ZER1: variants seen among roughly 807,000 people sequenced by gnomAD.
The protein encoded by ZER1 is protein zer-1 homolog.
Under a neutral mutation model 78.8 loss-of-function variants are expected in ZER1, and 11 were observed. The observed-to-expected ratio is 0.14, with a 90% confidence interval of 0.09 to 0.23. The LOEUF (loss-of-function observed/expected upper bound fraction) is 0.23. ZER1 is among the 10% of genes least tolerant of loss of function. The pLI is 1.00. For synonymous variants in ZER1, 400 were observed against 407.0 expected (o/e 0.98, Z 0.21); for missense variants, 588 against 996.9 (o/e 0.59, Z 5.52).
intron 15 of ZER1, among the ~76,000 whole-genome samples, chr9:128,731,687 C>T (rs1246086124): frequency 6.6e-6 from 1 of 152,218 alleles, no homozygotes; most frequent in African/African-American, 2.4e-5. Flanking sequence ...CCCAAATCAG[C>T]TCAGGCCCGA....
At chr9:128,734,144 A>AATATATATATATATATATATATATATAT (rs1220785593) in intron 14 of ZER1, among the ~76,000 whole-genome samples, 14 of 14,296 alleles carry the variant, frequency 9.8e-4, no homozygotes, top group Non-Finnish European at 1.3e-3. Flanking sequence ...AAAAAAAAAA[A>AATATATATATATATATATATATATATAT]ATATATATAT....
rs1372054982 is a variant in ZER1, at chr9:128,753,131, C to T, written c.746+33G>A. On this transcript the variant is annotated intron_variant, in intron 4 of 15. Coordinates refer to ENST00000291900, the MANE Select transcript of ZER1 (RefSeq NM_006336.4). The surrounding 1 kb of genome is among the most constrained non-coding windows in gnomAD (Gnocchi z 7.5). ...ACTCCTCCCCACCTGCCCCCCAAAC[C>T]CCACCCTGGTGAGCTCTGGGCCAGG... 4.7e-6 allele frequency: 7 copies of T among 1,498,062 alleles called. No homozygotes were observed. In the African/African-American group the frequency reaches 8.3e-5, roughly 18 times the overall value. The allele number at this position is 1,498,062 out of a possible 1,614,324, so 92.8% of individuals were successfully genotyped here. A position where few individuals can be genotyped will look rare whatever the true frequency, so the allele number is the denominator to read the frequency against.
At chr9:128,750,564 G>C in intron 8 of ZER1, 52 bp downstream of exon 8, 2 of 1,596,686 alleles carry the variant, frequency 1.3e-6, no homozygotes, top group South Asian at 1.1e-5. Flanking sequence ...CAAGAAGCAG[G>C]AAAGGGGTGG....
chr9:128,739,864 A>T, intron 13 of ZER1, 67 bp downstream of exon 13: 1 of 1,542,028 alleles, frequency 6.5e-7, no homozygotes, highest in South Asian at 1.2e-5. Flanking sequence ...CCTTAATGGT[A>T]TGAGCATCCT....
chr9:128,748,691 C>G (rs1863578968), intron 8 of ZER1, among the ~76,000 whole-genome samples: 1 of 151,860 alleles, frequency 6.6e-6, no homozygotes, highest in Admixed American at 6.6e-5. Context: ...CCTGCCTCAG[C>G]CTCCCAGGTA....
At chr9:128,763,045 A>T (rs1278302890) in intron 1 of ZER1, among the ~76,000 whole-genome samples, 1 of 152,150 alleles carries the variant, frequency 6.6e-6, no homozygotes, top group African/African-American at 2.4e-5. Flanking sequence ...TCCTGGCAAA[A>T]GGCCCTCGGC....
chr9:128,735,826 G>T (rs113879006), intron 13 of ZER1, among the ~76,000 whole-genome samples: 24 of 143,512 alleles, frequency 1.7e-4, no homozygotes, highest in Non-Finnish European at 1.6e-4. Context: ...TGCCCAGGCT[G>T]GGGTGCACTG....
rs151177391 is a variant in ZER1 at position 128,756,164 on chromosome 9, G to A, written c.-94-505C>T. Among the ~76,000 whole-genome samples, 13 of 152,312 alleles carry A rather than the reference G, an allele frequency of 8.5e-5. 1 individual carries two copies. Among genetic ancestry groups the A allele is most frequent in the South Asian group, 4.1e-4 (2 of 4,830 alleles). On this transcript the variant is annotated intron_variant, in intron 1 of 15. Transcript: ENST00000291900. ...CATATGTCCACATAGAAACTCAGACGTGGCCGAGCACGGTGGCTCATGCCT... is the reference window on the plus strand; with the variant it reads ...CATATGTCCACATAGAAACTCAGACATGGCCGAGCACGGTGGCTCATGCCT...
In ZER1 at chr9:128,764,542, G is replaced by A. The variant is rs553147279; in HGVS notation, c.-95+7039C>T. On this transcript the variant is annotated intron_variant, in intron 1 of 15. Coordinates refer to ENST00000291900, the MANE Select transcript of ZER1 (RefSeq NM_006336.4). ...CCAAAACATAAGCCAGGTAGATGGCGCCATCTGCTAGCCTCCCCTTAGCAG... is the reference window on the plus strand; with the variant it reads ...CCAAAACATAAGCCAGGTAGATGGCACCATCTGCTAGCCTCCCCTTAGCAG... 2.0e-5 allele frequency among the ~76,000 whole-genome samples: 3 copies of A among 152,234 alleles called. No homozygotes were observed. The South Asian group carries it at 6.2e-4, about 32-fold the overall frequency.
chr9:128,737,139 G>A (rs930805694), intron 13 of ZER1, among the ~76,000 whole-genome samples: 12 of 151,590 alleles, frequency 7.9e-5, no homozygotes, highest in Non-Finnish European at 1.5e-4. Context: ...GCGAGACTCC[G>A]TCTCAAAAAA....
intron 13 of ZER1, among the ~76,000 whole-genome samples, chr9:128,737,832 A>T (rs962252580): frequency 6.0e-5 from 9 of 150,384 alleles, no homozygotes; most frequent in Non-Finnish European, 1.3e-4. Context: ...CCTCCCAAGT[A>T]GCTGGGATTA....
intron 8 of ZER1, among the ~76,000 whole-genome samples, chr9:128,745,558 T>A (rs1473119606): frequency 6.6e-6 from 1 of 151,794 alleles, no homozygotes; most frequent in African/African-American, 2.4e-5. Flanking sequence ...GGTTTCACCA[T>A]GTTGGCCAGG....
At chr9:128,735,211 C>G (rs1863023914) in intron 14 of ZER1, 123 bp downstream of exon 14, 7 of 880,400 alleles carry the variant, frequency 8.0e-6, no homozygotes, top group Admixed American at 2.9e-5. Context: ...GTGGAGGGTT[C>G]TGCTCTGAGG....
At position 128,735,537 on chromosome 9, in the gene ZER1, T is replaced by C. The variant is rs1015625329; in HGVS notation, c.2043-106A>G. 5.4e-5 allele frequency: 59 copies of C among 1,093,086 alleles called. No homozygotes were observed. In the African/African-American group the frequency reaches 7.9e-4, roughly 15 times the overall value. The allele number at this position is 1,093,086 out of a possible 1,614,324, so 67.7% of individuals were successfully genotyped here. On this transcript the variant is annotated intron_variant, in intron 13 of 15. Transcript: ENST00000291900. ...GGAGAATCCTAGTGACCAACCATGA[T>C]AGGCTGGCAGGATGCCAGGGAGAAG...
intron 1 of ZER1, among the ~76,000 whole-genome samples, chr9:128,767,240 G>T (rs1339264476): frequency 6.6e-6 from 1 of 151,410 alleles, no homozygotes; most frequent in Non-Finnish European, 1.5e-5. Flanking sequence ...ACTGCGGTCG[G>T]CCTATTTATT....
chr9:128,735,411 C>T lies in ZER1; in HGVS notation c.2063G>A (p.Arg688His), dbSNP rs1357586707. 3.7e-6 allele frequency: 6 copies of T among 1,613,950 alleles called. No individual in the cohort carries two copies. Among genetic ancestry groups the T allele is most frequent in the Non-Finnish European group, 5.1e-6 (6 of 1,179,942 alleles). The change falls in exon 14 of 16, where the codon CGC (arginine) becomes CAC (histidine). Residue 688 changes from arginine to histidine, a missense_variant. Coordinates refer to ENST00000291900, the MANE Select transcript of ZER1 (RefSeq NM_006336.4). ...INYRSFEPIL[R>H]LLPQGISPVS... ...AGGAGAGATTCCCTGGGGAAGGAGG[C>T]GGAGAATTGGTTCAAATGACCTGCA... is the stretch of plus-strand genomic sequence containing the variant.
chr9:128,743,205 C>T (rs1439213075), intron 8 of ZER1, among the ~76,000 whole-genome samples: 1 of 151,982 alleles, frequency 6.6e-6, no homozygotes, highest in Non-Finnish European at 1.5e-5. Context: ...GCAACCTTCA[C>T]CTCCCTGGTT....
intron 14 of ZER1, among the ~76,000 whole-genome samples, chr9:128,734,371 A>G: frequency 6.7e-6 from 1 of 148,754 alleles, no homozygotes; most frequent in East Asian, 2.0e-4. Context: ...TAATTTTTGT[A>G]TTTTTAGTAG....
chr9:128,757,307 C>T (rs1863888939), intron 1 of ZER1, among the ~76,000 whole-genome samples: 1 of 151,940 alleles, frequency 6.6e-6, no homozygotes, highest in African/African-American at 2.4e-5. Flanking sequence ...TTGCTTGAGC[C>T]CAGGAGTTCA....
Sources: allele counts gnomAD v4.1 joint callset (sites outside exome capture counted in the v4.1 genomes callset), GRCh38; gene constraint gnomAD v4.1.1; non-coding constraint Gnocchi (gnomAD v3.1); transcripts MANE v1.5; gene names NCBI Gene and HGNC (gene_info 2026-07-23, HGNC 2026-07-21).